Variants in USP31 observed in about 807,000 individuals in gnomAD.
USP31 encodes ubiquitin carboxyl-terminal hydrolase 31.
USP31 carries 44 observed loss-of-function variants against 119.4 expected under a neutral mutation model. The observed-to-expected ratio is 0.37, with a 90% CI of 0.29 to 0.47. USP31 has a LOEUF of 0.47. USP31 is among the 20% of genes least tolerant of loss of function. USP31 has a pLI of 0.99. For synonymous variants in USP31, 749 were observed against 705.6 expected (o/e 1.06, Z -0.97); for missense variants, 1,643 against 1,730.2 (o/e 0.95, Z 0.89).
At chr16:23,080,982 A>G (rs1449259855) in intron 12 of USP31, among the ~76,000 whole-genome samples, 1 of 152,214 alleles carries the variant, frequency 6.6e-6, no homozygotes, top group Non-Finnish European at 1.5e-5. Context: ...AGCAGTGCAC[A>G]GAACATGTTA....
chr16:23,133,378 T>C (rs1049102378), intron 1 of USP31, among the ~76,000 whole-genome samples: 7 of 152,162 alleles, frequency 4.6e-5, no homozygotes, highest in African/African-American at 1.4e-4. Flanking sequence ...AATCAACACG[T>C]TGTGCACCTC....
At chr16:23,139,807 G>A (rs1451681582) in intron 1 of USP31, among the ~76,000 whole-genome samples, 1 of 152,122 alleles carries the variant, frequency 6.6e-6, no homozygotes, top group Non-Finnish European at 1.5e-5. Context: ...CAATCTTTCT[G>A]CTCCTCATGC....
At chr16:23,093,641 A>G (rs1359908317) in intron 6 of USP31, among the ~76,000 whole-genome samples, 1 of 152,246 alleles carries the variant, frequency 6.6e-6, no homozygotes, top group Non-Finnish European at 1.5e-5. Context: ...GAAGACAACC[A>G]TAGAATTATG....
intron 3 of USP31, 32 bp downstream of exon 3, chr16:23,106,367 A>G: frequency 6.2e-7 from 1 of 1,613,626 alleles, no homozygotes; most frequent in South Asian, 1.1e-5. Context: ...TCAGGTAAAC[A>G]AAATAAGTGG....
intron 13 of USP31, 49 bp downstream of exon 13, chr16:23,079,897 C>T (rs761564461): frequency 6.7e-7 from 1 of 1,498,192 alleles, no homozygotes; most frequent in Admixed American, 2.2e-5. Context: ...CAAGCAAACC[C>T]GTCTGAAGGA....
At chr16:23,113,377 C>T (rs1026546854) in intron 1 of USP31, among the ~76,000 whole-genome samples, 2 of 152,106 alleles carry the variant, frequency 1.3e-5, no homozygotes, top group African/African-American at 4.8e-5. Context: ...GAAGAGGAAG[C>T]AGCTGGGACA....
At chr16:23,106,055 G>A (rs1346857874) in intron 4 of USP31, among the ~76,000 whole-genome samples, 158 bp downstream of exon 4, 2 of 152,134 alleles carry the variant, frequency 1.3e-5, no homozygotes, top group East Asian at 3.8e-4. Context: ...AAACTCAGGA[G>A]GGCATTTATT....
chr16:23,135,998 G>T (rs1469391031), intron 1 of USP31, among the ~76,000 whole-genome samples: 1 of 152,024 alleles, frequency 6.6e-6, no homozygotes, highest in Non-Finnish European at 1.5e-5. Flanking sequence ...TAATAAAAAC[G>T]GACATATAAA....
At chr16:23,074,600 T>C (rs978103548) in intron 13 of USP31, among the ~76,000 whole-genome samples, 1 of 152,136 alleles carries the variant, frequency 6.6e-6, no homozygotes, top group Non-Finnish European at 1.5e-5. Flanking sequence ...GCTTATCAAG[T>C]CCTTGGCTTG....
intron 1 of USP31, among the ~76,000 whole-genome samples, chr16:23,119,387 C>T (rs1331282288): frequency 2.6e-5 from 4 of 152,110 alleles, no homozygotes; most frequent in Admixed American, 1.3e-4. Flanking sequence ...CATGAGCCAC[C>T]GTGCCCGGCC....
At chr16:23,094,350 A>C (rs1324040139) in intron 6 of USP31, among the ~76,000 whole-genome samples, 1 of 152,230 alleles carries the variant, frequency 6.6e-6, no homozygotes, top group East Asian at 1.9e-4. Context: ...CAGGAAGCTC[A>C]AACTGGGCAG....
chr16:23,072,138 C>G lies in USP31; in HGVS notation c.2395G>C (p.Ala799Pro). ...GAGGAAGCTGCAGAGGTCACGCTGGCTGGCTTGCTGCCCGGGAGCCGGCTC... is the reference window on the plus strand; with the variant it reads ...GAGGAAGCTGCAGAGGTCACGCTGGGTGGCTTGCTGCCCGGGAGCCGGCTC... ...WVSRLPGSKP[A>P]SVTSAASSRR... Residue 799 changes from alanine (A) to proline (P), a missense_variant, in exon 15 of 16, where the codon GCC (alanine) becomes CCC (proline). By Grantham distance (27) the Ala-to-Pro change is conservative. Transcript: ENST00000219689. The G allele has an allele frequency of 6.2e-7, 1 of 1,612,398 alleles. No homozygotes were observed.
intron 6 of USP31, among the ~76,000 whole-genome samples, chr16:23,091,151 T>A (rs926925725): frequency 4.6e-5 from 7 of 152,256 alleles, no homozygotes; most frequent in African/African-American, 1.4e-4. Flanking sequence ...AACAAATTTT[T>A]AAAAAATAAA....
chr16:23,090,279 G>A (rs910317261), intron 7 of USP31, among the ~76,000 whole-genome samples: 26 of 152,102 alleles, frequency 1.7e-4, no homozygotes, highest in Non-Finnish European at 3.2e-4. Flanking sequence ...CCAGCTACTC[G>A]GAAGGCTGAG....
Position 23,069,275 on chromosome 16 carries a change from C to G in USP31, c.2830G>C (p.Val944Leu). 6.2e-7 allele frequency: 1 copy of G among 1,612,806 alleles called. No homozygotes were observed. The highest frequency in any genetic ancestry group is 8.5e-7 in the Non-Finnish European group (1 of 1,179,380). Residue 944 changes from valine to leucine, a missense_variant, in exon 16 of 16, where the codon GTC becomes CTC. Physicochemically the swap from Val to Leu is conservative, Grantham distance 32. Around this residue, in one of 5 missense-constraint regions of USP31, gnomAD observed 699 missense variants for 650.9 expected, o/e 1.07. Coordinates refer to ENST00000219689, the MANE Select transcript of USP31 (RefSeq NM_020718.4). Reference protein sequence around the residue: ...HKAVGRAPLAVMEGVFKDESD... With the variant: ...HKAVGRAPLALMEGVFKDESD... ...TCGTCTTTGAACACGCCTTCCATGA[C>G]AGCCAGAGGGGCCCGGCCCACAGCC...
At chr16:23,111,380 G>A (rs1012543372) in intron 1 of USP31, among the ~76,000 whole-genome samples, 1 of 152,092 alleles carries the variant, frequency 6.6e-6, no homozygotes, top group Non-Finnish European at 1.5e-5. Flanking sequence ...TGTCACTCAG[G>A]TGTCCTACCT....
chr16:23,068,843 A>C lies in USP31; in HGVS notation c.3262T>G (p.Ser1088Ala). 1 of 1,565,586 alleles carries C rather than the reference A, an allele frequency of 6.4e-7. No individual in the cohort carries two copies. Among genetic ancestry groups the C allele is most frequent in the Non-Finnish European group, 8.6e-7 (1 of 1,158,110 alleles). Reference protein sequence around the residue: ...DSSSRGSGRHSSPAPAQPKKE... With the variant: ...DSSSRGSGRHASPAPAQPKKE... ...TTGGGTTGGGCAGGGGCAGGGGATG[A>C]ATGCCGTCCACTGCCCCTGGAAGAA... Residue 1088 changes from serine (S) to alanine (A), a missense_variant, in exon 16 of 16, where the codon TCA becomes GCA. Transcript: ENST00000219689.
intron 1 of USP31, 116 bp from the exon 2 acceptor site, chr16:23,108,299 C>T (rs929323381): frequency 1.4e-6 from 2 of 1,387,062 alleles, no homozygotes; most frequent in Admixed American, 5.6e-5. Context: ...AGAATACTTC[C>T]CAGAAGGAGT....
At chr16:23,096,203 C>A (rs980441230) in intron 6 of USP31, among the ~76,000 whole-genome samples, 4 of 152,012 alleles carry the variant, frequency 2.6e-5, no homozygotes, top group African/African-American at 9.7e-5. Flanking sequence ...CCTAGTCTCT[C>A]ATAAAACAGA....
Sources: gnomAD v4.1 joint callset for allele counts (sites outside exome capture counted in the v4.1 genomes callset) on GRCh38, gnomAD v4.1.1 for gene constraint, gnomAD v4.1.1 regional missense constraint, MANE v1.5 for transcripts, NCBI Gene and HGNC (gene_info 2026-07-23, HGNC 2026-07-21) for gene names.